SPEN: variants seen among roughly 807,000 people sequenced by gnomAD.
SPEN encodes the protein spen family transcriptional repressor.
Under a neutral mutation model 269.9 loss-of-function variants are expected in SPEN, and 18 were observed. The ratio of observed to expected loss-of-function variants is 0.07; its 90% confidence interval spans 0.05 to 0.10. The LOEUF (loss-of-function observed/expected upper bound fraction) is 0.10. Among genes scored for constraint, SPEN ranks in the 10% least tolerant of loss-of-function variants. SPEN has a pLI of 1.00. For missense variants in SPEN, 3,822 were observed against 4,631.2 expected (o/e 0.83, Z 5.07); for synonymous variants, 1,726 against 1,765.7 (o/e 0.98, Z 0.56).
intron 1 of SPEN, among the ~76,000 whole-genome samples, chr1:15,867,437 A>G (rs763105212): frequency 2.6e-5 from 4 of 152,264 alleles, no homozygotes; most frequent in African/African-American, 4.8e-5. Context: ...AGCTCAAGCA[A>G]TCTGCCCACC....
chr1:15,847,997 C>G lies in SPEN; in HGVS notation c.-71C>G, dbSNP rs2070290494. On this transcript the variant is annotated 5_prime_UTR_variant, in exon 1 of 15. Coordinates refer to ENST00000375759, the MANE Select transcript of SPEN (RefSeq NM_015001.3). ...CGCCGCCGCCCCGGCACCCGCCTCC[C>G]GGCGCTGACGGTCTCGTACGAAGCC... The G allele has an allele frequency of 5.6e-6, 6 of 1,076,100 alleles. No homozygotes were observed. The highest frequency in any genetic ancestry group is 4.2e-5 in the Admixed American group (1 of 23,598). The allele number at this position is 1,076,100 out of a possible 1,614,324, so 66.7% of individuals were successfully genotyped here. A position where few individuals can be genotyped will look rare whatever the true frequency, so the allele number is the denominator to read the frequency against.
In SPEN at chr1:15,919,499, A is replaced by T; in HGVS notation, c.1617A>T (p.Arg539=). Residue 539 remains arginine (R), a synonymous_variant, in exon 8 of 15, where the codon CGA becomes CGT. Transcript: ENST00000375759. ...SDQYLTRHFC[R]YGPVVKVVFD... Reference sequence around the variant, plus strand: ...AGTATTTAACACGACATTTCTGCCGATATGGGCCTGTGGTAAAGGTAGGCG... The same window carrying T: ...AGTATTTAACACGACATTTCTGCCGTTATGGGCCTGTGGTAAAGGTAGGCG... The T allele has an allele frequency of 6.2e-7, 1 of 1,601,962 alleles. No homozygotes were observed. Among genetic ancestry groups the T allele is most frequent in the Non-Finnish European group, 8.5e-7 (1 of 1,177,028 alleles).
In SPEN at chr1:15,928,866, C is replaced by T; in HGVS notation, c.2626C>T (p.Pro876Ser). The T allele has an allele frequency of 1.2e-6, 2 of 1,614,126 alleles. No homozygotes were observed. The highest frequency in any genetic ancestry group is 1.7e-6 in the Non-Finnish European group (2 of 1,180,016). The change falls in exon 11 of 15, where the codon CCT becomes TCT. Residue 876 changes from proline (P) to serine (S), a missense_variant. This residue lies in a region of SPEN where 572 missense variants were observed against 582.6 expected (regional missense o/e 0.98). Transcript: ENST00000375759. The surrounding 1 kb of genome is among the most constrained non-coding windows in gnomAD (Gnocchi z 5.7). ...AGCGAAAAACCGCCTGGAACTCATG[C>T]CTTGCGTGGTTTTGACTCGAGTGAA... is the stretch of plus-strand genomic sequence containing the variant. ...GIAKNRLELM[P>S]CVVLTRVKEK... is the part of the protein sequence containing the mutation.
At chr1:15,869,433 G>T (rs1325903788) in intron 1 of SPEN, among the ~76,000 whole-genome samples, 1 of 152,026 alleles carries the variant, frequency 6.6e-6, no homozygotes, top group Non-Finnish European at 1.5e-5. Context: ...TACAAAAAAG[G>T]TAATATAAGT....
intron 7 of SPEN, 79 bp from the exon 8 acceptor site, chr1:15,919,325 A>G: frequency 2.1e-6 from 2 of 951,454 alleles, no homozygotes; most frequent in Non-Finnish European, 3.2e-6. Flanking sequence ...ACTATAGAAA[A>G]CCAGTTTTCT....
intron 3 of SPEN, among the ~76,000 whole-genome samples, chr1:15,878,193 A>G (rs1055581504): frequency 2.6e-5 from 4 of 152,154 alleles, no homozygotes; most frequent in African/African-American, 9.7e-5. Context: ...CTGCTTTTCA[A>G]TTTAGGTGGT....
At chr1:15,851,500 A>G (rs1452978611) in intron 1 of SPEN, among the ~76,000 whole-genome samples, 1 of 152,192 alleles carries the variant, frequency 6.6e-6, no homozygotes, top group Non-Finnish European at 1.5e-5. Context: ...TATGAGAGGG[A>G]GAGAGGTGTC....
intron 3 of SPEN, among the ~76,000 whole-genome samples, chr1:15,877,344 C>T (rs192357130): frequency 8.5e-5 from 13 of 152,284 alleles, no homozygotes; most frequent in Admixed American, 2.0e-4. Context: ...CCTTGGCTCA[C>T]GGCAACCTCT....
intron 5 of SPEN, 109 bp from the exon 6 acceptor site, chr1:15,916,019 G>A: frequency 7.8e-7 from 1 of 1,277,250 alleles, no homozygotes; most frequent in Non-Finnish European, 1.1e-6. Flanking sequence ...GAGTATTCAA[G>A]CCCATTATTT....
At position 15,933,127 on chromosome 1, in the gene SPEN, C is replaced by T. The variant is rs1475583616; in HGVS notation, c.6887C>T (p.Thr2296Ile). 1.9e-6 allele frequency: 3 copies of T among 1,614,190 alleles called. No individual in the cohort carries two copies. Among genetic ancestry groups the T allele is most frequent in the South Asian group, 1.1e-5 (1 of 91,084 alleles). ...VNAPDPSAGP[T>I]DTKEARGNSS... ...GCTCCTGACCCCTCAGCCGGCCCAA[C>T]AGATACCAAGGAAGCCAGAGGAAAT... Residue 2296 changes from threonine to isoleucine, a missense_variant, in exon 11 of 15, where the codon ACA becomes ATA. Physicochemically the swap from Thr to Ile is moderately conservative, Grantham distance 89. This residue lies in a region of SPEN where 727 missense variants were observed against 737.9 expected (regional missense o/e 0.99). Coordinates refer to ENST00000375759, the MANE Select transcript of SPEN (RefSeq NM_015001.3). This position sits in a 1 kb window ranked among gnomAD's most constrained non-coding sequence, Gnocchi z 5.7.
At chr1:15,891,043 A>G (rs990868644) in intron 3 of SPEN, among the ~76,000 whole-genome samples, 1 of 152,144 alleles carries the variant, frequency 6.6e-6, no homozygotes, top group Non-Finnish European at 1.5e-5. Flanking sequence ...TCCCTAATAA[A>G]CCAGCATATC....
chr1:15,918,281 C>T (rs1207520309), intron 6 of SPEN, among the ~76,000 whole-genome samples: 1 of 152,248 alleles, frequency 6.6e-6, no homozygotes, highest in African/African-American at 2.4e-5. Context: ...CGCAATGGCG[C>T]GATCTTGGCT....
At position 15,939,150 on chromosome 1, in the gene SPEN, C is replaced by G; in HGVS notation, c.10864-146C>G. On this transcript the variant is annotated intron_variant, in intron 14 of 14. Transcript: ENST00000375759. The surrounding 1 kb of genome is among the most constrained non-coding windows in gnomAD (Gnocchi z 4.1). ...GTTTTCTGACACCTGCTAGGTCTTCCAGTAGACATAGTCCTGGCACATTTG... is the reference window on the plus strand; with the variant it reads ...GTTTTCTGACACCTGCTAGGTCTTCGAGTAGACATAGTCCTGGCACATTTG... The G allele has an allele frequency of 8.6e-7, 1 of 1,166,664 alleles. No individual in the cohort carries two copies. Among genetic ancestry groups the G allele is most frequent in the Admixed American group, 2.6e-5 (1 of 38,866 alleles). 72.3% of individuals were successfully genotyped at this position (1,166,664 alleles called of 1,614,324 possible). A position where few individuals can be genotyped will look rare whatever the true frequency, so the allele number is the denominator to read the frequency against.
At chr1:15,919,174 G>A in intron 7 of SPEN, 123 bp downstream of exon 7, 1 of 842,056 alleles carries the variant, frequency 1.2e-6, no homozygotes, top group South Asian at 1.8e-5. Context: ...AACCATAAAA[G>A]TGATATACTT....
At chr1:15,899,549 T>TTTC (rs1412107714) in intron 3 of SPEN, among the ~76,000 whole-genome samples, 1 of 148,594 alleles carries the variant, frequency 6.7e-6, no homozygotes, top group Admixed American at 6.7e-5. Flanking sequence ...TTTTTTTTTT[T>TTTC]TTTTTTTTTT....
intron 2 of SPEN, chr1:15,873,761 CTT>C (rs1420126246): frequency 4.9e-6 from 5 of 1,020,032 alleles, no homozygotes; most frequent in Non-Finnish European, 5.9e-6. Context: ...GAATTACACT[CTT>C]TGATGGAATG....
chr1:15,926,839 C>A (rs2071172264), intron 10 of SPEN, among the ~76,000 whole-genome samples: 1 of 152,008 alleles, frequency 6.6e-6, no homozygotes, highest in South Asian at 2.1e-4. Flanking sequence ...ACTACAGGCG[C>A]CTGCCACCAT....
intron 1 of SPEN, among the ~76,000 whole-genome samples, chr1:15,863,139 C>G (rs2070464189): frequency 1.3e-5 from 2 of 152,128 alleles, no homozygotes; most frequent in Admixed American, 1.3e-4. Flanking sequence ...AGTCCAGCTA[C>G]TTGGAAGGCT....
chr1:15,937,673 T>C lies in SPEN; in HGVS notation c.10509+28T>C, dbSNP rs373349300. The C allele has an allele frequency of 1.3e-4, 210 of 1,607,702 alleles. No individual in the cohort carries two copies. The highest frequency in any genetic ancestry group is 1.7e-4 in the Non-Finnish European group (202 of 1,175,364). Reference sequence around the variant, plus strand: ...AAGCATGAGCAGGGGCTGCCCTTCCTGGCCCCCAAGTTTTATGCCATGTCA... The same window carrying C: ...AAGCATGAGCAGGGGCTGCCCTTCCCGGCCCCCAAGTTTTATGCCATGTCA... On this transcript the variant is annotated intron_variant, in intron 12 of 14. Coordinates refer to ENST00000375759, the MANE Select transcript of SPEN (RefSeq NM_015001.3). This position sits in a 1 kb window ranked among gnomAD's most constrained non-coding sequence, Gnocchi z 5.7.
Sources: gnomAD v4.1 joint callset for allele counts (sites outside exome capture counted in the v4.1 genomes callset) on GRCh38, gnomAD v4.1.1 for gene constraint, gnomAD v4.1.1 regional missense constraint, Gnocchi (gnomAD v3.1) non-coding constraint, MANE v1.5 for transcripts, NCBI Gene and HGNC (gene_info 2026-07-23, HGNC 2026-07-21) for gene names.